Variants in IGF1R observed in about 807,000 individuals in gnomAD.
IGF1R encodes insulin like growth factor 1 receptor, also known as insulin-like growth factor 1 receptor.
Under a neutral mutation model 144.6 loss-of-function variants are expected in IGF1R, and 44 were observed. That is an observed-to-expected ratio of 0.30 (90% CI 0.24 to 0.39). The LOEUF is 0.39. Ranked by LOEUF, IGF1R falls within the 10% of genes least tolerant of loss-of-function variation. IGF1R has a pLI of 1.00. For synonymous variants in IGF1R, 795 were observed against 722.8 expected (o/e 1.10, Z -1.60); for missense variants, 1,355 against 1,833.7 (o/e 0.74, Z 4.77).
chr15:98,855,649 TG>T (rs1258417776), intron 2 of IGF1R, among the ~76,000 whole-genome samples: 1 of 152,216 alleles, frequency 6.6e-6, no homozygotes, highest in Non-Finnish European at 1.5e-5. Flanking sequence ...AGCTCTTTAA[TG>T]TATACGTTTA....
chr15:98,869,392 G>C (rs1020744396), intron 2 of IGF1R, among the ~76,000 whole-genome samples: 1 of 149,270 alleles, frequency 6.7e-6, no homozygotes, highest in Non-Finnish European at 1.5e-5. Flanking sequence ...CACCACATGA[G>C]AAGGAAGATT....
chr15:98,892,199 A>G (rs1315600380), intron 3 of IGF1R, among the ~76,000 whole-genome samples: 2 of 152,232 alleles, frequency 1.3e-5, no homozygotes, highest in Middle Eastern at 3.4e-3. Flanking sequence ...ACCCTCCCTC[A>G]GTGCTCATCA....
intron 2 of IGF1R, among the ~76,000 whole-genome samples, chr15:98,788,250 C>T (rs2056052410): frequency 6.6e-6 from 1 of 152,126 alleles, no homozygotes; most frequent in South Asian, 2.1e-4. Flanking sequence ...ATCTGCTCAC[C>T]AGCACGAGTG....
Position 98,896,892 on chromosome 15 carries a change from C to T in IGF1R, c.1089C>T (p.Asn363=), listed in dbSNP as rs2151652734. ...TCTTCAAGGGCAATTTGCTCATTAA[C>T]ATCCGACGGGGGAGTAAGTATTCCA... ...CTIFKGNLLI[N]IRRGNNIASE... Residue 363 remains asparagine (N), a synonymous_variant, in exon 4 of 21, where the codon AAC becomes AAT. Transcript: ENST00000650285. 6.2e-7 allele frequency: 1 copy of T among 1,614,152 alleles called. No homozygotes were observed.
Position 98,959,735 on chromosome 15 carries a change from G to A in IGF1R, c.*2293G>A, listed in dbSNP as rs1217502839. 3.0e-5 allele frequency: 7 copies of A among 233,370 alleles called. No homozygotes were observed. Among genetic ancestry groups the A allele is most frequent in the East Asian group, 1.2e-4 (2 of 16,606 alleles). The allele number at this position is 233,370 out of a possible 1,614,324, so 14.5% of individuals were successfully genotyped here. On this transcript the variant is annotated 3_prime_UTR_variant, in exon 21 of 21. Transcript: ENST00000650285. ...AGGAGTAAGAACAAAGCTGGGATAC[G>A]GTGATTGCTAGTTGTGACTGAAGAT...
rs1392008236 is a variant in IGF1R, at chr15:98,840,502, C to T, written c.641-50823C>T. 3.9e-5 allele frequency among the ~76,000 whole-genome samples: 6 copies of T among 152,132 alleles called. No homozygotes were observed. The South Asian group carries it at 6.2e-4, about 16-fold the overall frequency. On this transcript the variant is annotated intron_variant, in intron 2 of 20. Coordinates refer to ENST00000650285, the MANE Select transcript of IGF1R (RefSeq NM_000875.5). ...TCTCACTCTGTCACCCCGGCTGGAG[C>T]GCAGTAGTGCAGTCGTGGCTCACTG...
In IGF1R at chr15:98,709,790, A is replaced by T. The variant is rs138250377; in HGVS notation, c.640+1683A>T. Among the ~76,000 whole-genome samples, 39 of 152,274 alleles carry T rather than the reference A, an allele frequency of 2.6e-4. 1 individual carries two copies. The highest frequency in any genetic ancestry group is 1.2e-3 in the South Asian group (6 of 4,820). ...GTGGTGATCATATATGGGCATGAGG[A>T]TGTTTTGAAAACTCATAAGCTCTTT... On this transcript the variant is annotated intron_variant, in intron 2 of 20. Coordinates refer to ENST00000650285, the MANE Select transcript of IGF1R (RefSeq NM_000875.5).
intron 2 of IGF1R, among the ~76,000 whole-genome samples, chr15:98,736,860 T>G (rs1323764621): frequency 1.3e-5 from 2 of 152,088 alleles, no homozygotes; most frequent in African/African-American, 4.8e-5. Context: ...AATCCGCCTA[T>G]CTCGGGCTCC....
intron 2 of IGF1R, among the ~76,000 whole-genome samples, chr15:98,837,843 A>C (rs960870588): frequency 6.6e-6 from 1 of 152,224 alleles, no homozygotes; most frequent in Non-Finnish European, 1.5e-5. Flanking sequence ...TGGGTGGCTG[A>C]AAGTGACTTT....
Position 98,666,186 on chromosome 15 carries a change from G to A in IGF1R, c.94+16511G>A, listed in dbSNP as rs752287693. 3.9e-5 allele frequency among the ~76,000 whole-genome samples: 6 copies of A among 152,188 alleles called. No homozygotes were observed. The South Asian group carries it at 1.2e-3, about 32-fold the overall frequency. ...CACAATTGGTACTTCATACTCATTA[G>A]TATGGCTATTACCAAAAACACCAGA... On this transcript the variant is annotated intron_variant, in intron 1 of 20. Coordinates refer to ENST00000650285, the MANE Select transcript of IGF1R (RefSeq NM_000875.5).
intron 2 of IGF1R, among the ~76,000 whole-genome samples, chr15:98,871,644 G>T (rs1221929111): frequency 6.6e-6 from 1 of 152,198 alleles, no homozygotes; most frequent in Non-Finnish European, 1.5e-5. Context: ...AAAGTGAAAG[G>T]TACATCTCAC....
chr15:98,718,957 T>C (rs1399025266), intron 2 of IGF1R, among the ~76,000 whole-genome samples: 1 of 151,890 alleles, frequency 6.6e-6, no homozygotes, highest in African/African-American at 2.4e-5. Flanking sequence ...GGTGGTAACC[T>C]AGTACAACGT....
intron 11 of IGF1R, 47 bp downstream of exon 11, chr15:98,922,478 A>C (rs778794626): frequency 1.3e-6 from 2 of 1,592,764 alleles, no homozygotes; most frequent in Non-Finnish European, 1.7e-6. Context: ...CTCACAACCT[A>C]GTGGAGAAGA....
In IGF1R at chr15:98,942,904, G is replaced by A. The variant is rs369951778; in HGVS notation, c.3458-19G>A. On this transcript the variant is annotated intron_variant, in intron 18 of 20. Coordinates refer to ENST00000650285, the MANE Select transcript of IGF1R (RefSeq NM_000875.5). ...TGCCTGCTCCAGCGTGTGACTCTGC[G>A]CCCTCTCTTCCCTTACAGATTTTGG... The A allele has an allele frequency of 2.4e-5, 39 of 1,613,788 alleles. No homozygotes were observed. Among genetic ancestry groups the A allele is most frequent in the South Asian group, 1.9e-4 (17 of 91,068 alleles).
At chr15:98,847,372 C>T (rs1487977511) in intron 2 of IGF1R, among the ~76,000 whole-genome samples, 1 of 152,120 alleles carries the variant, frequency 6.6e-6, no homozygotes, top group Non-Finnish European at 1.5e-5. Flanking sequence ...CCTTCTTGAC[C>T]CTGTGCCGAT....
chr15:98,698,459 C>G (rs2053648738), intron 1 of IGF1R, among the ~76,000 whole-genome samples: 1 of 152,236 alleles, frequency 6.6e-6, no homozygotes, highest in African/African-American at 2.4e-5. Context: ...AACTCCCATT[C>G]TCTCCTACCA....
intron 1 of IGF1R, among the ~76,000 whole-genome samples, chr15:98,670,882 G>T (rs964834825): frequency 1.3e-5 from 2 of 152,064 alleles, no homozygotes; most frequent in African/African-American, 4.8e-5. Flanking sequence ...CGGTAGAATT[G>T]ATATGTTTAA....
intron 2 of IGF1R, among the ~76,000 whole-genome samples, chr15:98,717,411 CTATA>C (rs1224905218): frequency 5.9e-5 from 9 of 152,022 alleles, no homozygotes; most frequent in Admixed American, 2.0e-4. Flanking sequence ...GCTGTGTTGA[CTATA>C]TATGTTCACT....
chr15:98,855,655 C>T (rs962475577), intron 2 of IGF1R, among the ~76,000 whole-genome samples: 5 of 152,114 alleles, frequency 3.3e-5, no homozygotes, highest in African/African-American at 9.7e-5. Flanking sequence ...TTAATGTATA[C>T]GTTTAGAACC....
Sources: gnomAD v4.1 joint callset for allele counts (sites outside exome capture counted in the v4.1 genomes callset) on GRCh38, gnomAD v4.1.1 for gene constraint, MANE v1.5 for transcripts, NCBI Gene and HGNC (gene_info 2026-07-23, HGNC 2026-07-21) for gene names.